Variants in TGFB2 observed in about 807,000 individuals in gnomAD.
TGFB2 encodes the protein transforming growth factor beta-2 proprotein.
In TGFB2, 13 loss-of-function variants were observed where a neutral mutation model predicts 42.7. The observed-to-expected ratio is 0.30, with a 90% CI of 0.20 to 0.48. The LOEUF is 0.48. Among genes scored for constraint, TGFB2 ranks in the 20% least tolerant of loss-of-function variants. The pLI, the probability that TGFB2 is intolerant of heterozygous loss-of-function variation, is 0.99. For missense variants in TGFB2, 390 were observed against 517.5 expected (o/e 0.75, Z 2.39); for synonymous variants, 193 against 193.6 (o/e 1.00, Z 0.03).
At chr1:218,392,738 G>A (rs1377862115) in intron 1 of TGFB2, among the ~76,000 whole-genome samples, 1 of 152,220 alleles carries the variant, frequency 6.6e-6, no homozygotes, top group Non-Finnish European at 1.5e-5. Flanking sequence ...TTGAACATCA[G>A]CTGTCTTTGC....
intron 1 of TGFB2, among the ~76,000 whole-genome samples, chr1:218,352,019 T>C (rs1278721970): frequency 6.6e-6 from 1 of 152,106 alleles, no homozygotes; most frequent in African/African-American, 2.4e-5. Flanking sequence ...TTCGAGAAAT[T>C]AGAGTGGAGG....
chr1:218,382,433 G>T (rs10482749), intron 1 of TGFB2, among the ~76,000 whole-genome samples: 2 of 152,180 alleles, frequency 1.3e-5, no homozygotes, highest in Admixed American at 1.3e-4. Context: ...TCACCCCAGT[G>T]GAGTAATAGG....
intron 2 of TGFB2, among the ~76,000 whole-genome samples, chr1:218,416,064 C>T (rs1659268908): frequency 1.3e-5 from 2 of 152,044 alleles, no homozygotes; most frequent in Admixed American, 6.6e-5. Context: ...GGGGAACAGC[C>T]ATTGTTTTAT....
At chr1:218,415,236 AAC>A (rs1659235165) in intron 2 of TGFB2, among the ~76,000 whole-genome samples, 1 of 152,316 alleles carries the variant, frequency 6.6e-6, no homozygotes, top group African/African-American at 2.4e-5. Context: ...TGTTGTAAGA[AAC>A]AGTGTGAAAT....
At chr1:218,381,849 G>A (rs1361742188) in intron 1 of TGFB2, among the ~76,000 whole-genome samples, 1 of 152,132 alleles carries the variant, frequency 6.6e-6, no homozygotes, top group African/African-American at 2.4e-5. Context: ...GTGTGTGTGT[G>A]CACACGCGCG....
At chr1:218,382,308 T>C (rs913097619) in intron 1 of TGFB2, among the ~76,000 whole-genome samples, 3 of 152,142 alleles carry the variant, frequency 2.0e-5, no homozygotes, top group Admixed American at 2.0e-4. Context: ...TTTTGGGGAC[T>C]GTAGCTTTGG....
chr1:218,424,932 A>G (rs113302875), intron 2 of TGFB2, among the ~76,000 whole-genome samples: 72 of 152,332 alleles, frequency 4.7e-4, no homozygotes, highest in Non-Finnish European at 9.4e-4. Flanking sequence ...TTGAGGAACT[A>G]ATTTTAAGAA....
At chr1:218,404,519 A>T (rs1658841326) in intron 1 of TGFB2, among the ~76,000 whole-genome samples, 1 of 152,186 alleles carries the variant, frequency 6.6e-6, no homozygotes, top group African/African-American at 2.4e-5. Flanking sequence ...ATTAGCTAGG[A>T]TGACCTCCCG....
At chr1:218,355,685 GT>G (rs1460340813) in intron 1 of TGFB2, among the ~76,000 whole-genome samples, 1 of 152,232 alleles carries the variant, frequency 6.6e-6, no homozygotes, top group Non-Finnish European at 1.5e-5. Flanking sequence ...GATGATGTGT[GT>G]GAAAAAGCAC....
chr1:218,402,750 A>C (rs1658770325), intron 1 of TGFB2, among the ~76,000 whole-genome samples: 1 of 152,218 alleles, frequency 6.6e-6, no homozygotes, highest in Admixed American at 6.5e-5. Flanking sequence ...ACGACAGGAA[A>C]CACGCTAAAT....
At chr1:218,353,256 T>C (rs1026624665) in intron 1 of TGFB2, among the ~76,000 whole-genome samples, 1 of 152,224 alleles carries the variant, frequency 6.6e-6, no homozygotes, top group Non-Finnish European at 1.5e-5. Flanking sequence ...TCAGTGGATC[T>C]CTTTCCTTTG....
At chr1:218,350,120 G>C (rs1180617916) in intron 1 of TGFB2, among the ~76,000 whole-genome samples, 2 of 152,194 alleles carry the variant, frequency 1.3e-5, no homozygotes. Flanking sequence ...AACTTAGAAA[G>C]GGTGATTCAG....
At chr1:218,387,398 G>A (rs181608323) in intron 1 of TGFB2, among the ~76,000 whole-genome samples, 1 of 152,280 alleles carries the variant, frequency 6.6e-6, no homozygotes, top group Admixed American at 6.5e-5. Flanking sequence ...AGAGAGAAAA[G>A]GATGGTTAAG....
chr1:218,433,661 G>A (rs903642012), intron 2 of TGFB2, among the ~76,000 whole-genome samples: 4 of 151,848 alleles, frequency 2.6e-5, no homozygotes, highest in Non-Finnish European at 1.5e-5. Flanking sequence ...AGTGAGCCTG[G>A]GTCCTCTGAA....
intron 1 of TGFB2, among the ~76,000 whole-genome samples, chr1:218,395,258 C>T (rs1658464587): frequency 6.6e-6 from 1 of 152,222 alleles, no homozygotes; most frequent in Admixed American, 6.5e-5. Context: ...GAAACTTTCA[C>T]ACTGGGTGAG....
chr1:218,430,301 G>A (rs1342305969), intron 2 of TGFB2, among the ~76,000 whole-genome samples: 1 of 151,602 alleles, frequency 6.6e-6, no homozygotes, highest in African/African-American at 2.4e-5. Context: ...AGTCTGAGGC[G>A]AGAGAATCAC....
At chr1:218,363,685 A>C (rs1657292314) in intron 1 of TGFB2, among the ~76,000 whole-genome samples, 2 of 152,192 alleles carry the variant, frequency 1.3e-5, no homozygotes, top group Non-Finnish European at 2.9e-5. Flanking sequence ...TTTAGGGGTC[A>C]CAGAGTGATT....
intron 1 of TGFB2, among the ~76,000 whole-genome samples, chr1:218,383,293 G>T (rs1658023794): frequency 6.6e-6 from 1 of 152,130 alleles, no homozygotes; most frequent in Non-Finnish European, 1.5e-5. Flanking sequence ...CCTCTGTTTT[G>T]TCAATGCATA....
At chr1:218,437,606 T>A in intron 6 of TGFB2, 110 bp downstream of exon 6, 4 of 1,181,826 alleles carry the variant, frequency 3.4e-6, no homozygotes, top group Non-Finnish European at 4.5e-6. Context: ...CCATCACACA[T>A]GTATGGGTAC....
Sources: allele counts gnomAD v4.1 joint callset (sites outside exome capture counted in the v4.1 genomes callset), GRCh38; gene constraint gnomAD v4.1.1; transcripts MANE v1.5; gene names NCBI Gene and HGNC (gene_info 2026-07-23, HGNC 2026-07-21).